SAMD9L: variants seen among roughly 807,000 people sequenced by gnomAD.
SAMD9L encodes sterile alpha motif domain-containing protein 9-like.
A neutral mutation model predicts 90.7 loss-of-function variants in SAMD9L; 68 were observed. That is an observed-to-expected ratio of 0.75 (90% CI 0.62 to 0.92). The LOEUF (loss-of-function observed/expected upper bound fraction) is 0.92. Among genes scored for constraint, SAMD9L ranks in the 40% least tolerant of loss-of-function variants. The probability of loss-of-function intolerance (pLI) is 0.00; values close to 1 mark genes in which losing one functional copy is unlikely to be tolerated. For missense variants in SAMD9L, 1,604 were observed against 1,824.3 expected (o/e 0.88, Z 2.20); for synonymous variants, 640 against 630.1 (o/e 1.02, Z -0.23).
rs1274468659 is a variant in SAMD9L at position 93,135,122 on chromosome 7, T to C, written c.850A>G (p.Ile284Val). 1 of 1,612,696 alleles carries C rather than the reference T, an allele frequency of 6.2e-7. No homozygotes were observed. The highest frequency in any genetic ancestry group is 1.3e-5 in the African/African-American group (1 of 75,058). Residue 284 changes from isoleucine (I) to valine (V), a missense_variant, in exon 5 of 5, where the codon ATT becomes GTT. By Grantham distance (29) the Ile-to-Val change is conservative. Coordinates refer to ENST00000318238, the MANE Select transcript of SAMD9L (RefSeq NM_152703.5). ...ESEINEAKKC[I>V]REPRFVEVLL... ...ACTTCCACAAACCTTGGCTCCCGAA[T>C]ACACTTCTTGGCTTCATTGATCTCA... is the stretch of plus-strand genomic sequence containing the variant.
chr7:93,132,114 T>C lies in SAMD9L; in HGVS notation c.3858A>G (p.Glu1286=). ...TCTTGCTTAACATGATTTCTGCAATTTCTTTTTGGGTATACCTCATTTTCA... is the reference window on the plus strand; with the variant it reads ...TCTTGCTTAACATGATTTCTGCAATCTCTTTTTGGGTATACCTCATTTTCA... ...VLLKMRYTQK[E]IAEIMLSKKV... The change falls in exon 5 of 5, where the codon GAA becomes GAG. Residue 1286 remains glutamate, a synonymous_variant. Coordinates refer to ENST00000318238, the MANE Select transcript of SAMD9L (RefSeq NM_152703.5). 1 of 1,613,448 alleles carries C rather than the reference T, an allele frequency of 6.2e-7. No homozygotes were observed. The highest frequency in any genetic ancestry group is 2.2e-5 in the East Asian group (1 of 44,866).
At position 93,135,529 on chromosome 7, in the gene SAMD9L, G is replaced by C. The variant is rs756645530; in HGVS notation, c.443C>G (p.Ala148Gly). Residue 148 changes from alanine (A) to glycine (G), a missense_variant, in exon 5 of 5, where the codon GCT (alanine) becomes GGT (glycine). Ala to Gly is a moderately conservative substitution (Grantham distance 60). Coordinates refer to ENST00000318238, the MANE Select transcript of SAMD9L (RefSeq NM_152703.5). ...KENVLDEVANAKHKKKGKLKP... is the reference protein window; with the variant it reads ...KENVLDEVANGKHKKKGKLKP... ...TAGCTTACCCTTTTTCTTGTGTTTA[G>C]CATTTGCTACTTCATCTAACACATT... 1.2e-6 allele frequency: 2 copies of C among 1,613,924 alleles called. No homozygotes were observed. The highest frequency in any genetic ancestry group is 1.7e-6 in the Non-Finnish European group (2 of 1,179,882).
intron 4 of SAMD9L, among the ~76,000 whole-genome samples, chr7:93,136,749 A>T (rs1792470112): frequency 6.6e-6 from 1 of 152,128 alleles, no homozygotes; most frequent in South Asian, 2.1e-4. Context: ...CCTATTTTGG[A>T]CTCCTAGAAC....
chr7:93,139,342 C>T (rs1279763627), intron 4 of SAMD9L, among the ~76,000 whole-genome samples: 1 of 152,114 alleles, frequency 6.6e-6, no homozygotes, highest in African/African-American at 2.4e-5. Flanking sequence ...GAAGTCCTAA[C>T]CTCCAGCACC....
At chr7:93,138,017 A>C (rs972529133) in intron 4 of SAMD9L, among the ~76,000 whole-genome samples, 1 of 152,118 alleles carries the variant, frequency 6.6e-6, no homozygotes, top group African/African-American at 2.4e-5. Context: ...AGCAGCTTCC[A>C]CTTGCCTTGG....
intron 4 of SAMD9L, among the ~76,000 whole-genome samples, chr7:93,138,973 T>A (rs1289221498): frequency 6.8e-6 from 1 of 148,108 alleles, no homozygotes; most frequent in Non-Finnish European, 1.5e-5. Context: ...ACATATGAGA[T>A]AACTACCATA....
At chr7:93,146,685 C>A (rs114207031) in intron 2 of SAMD9L, among the ~76,000 whole-genome samples, 198 bp downstream of exon 2, 177 of 152,276 alleles carry the variant, frequency 1.2e-3, no homozygotes, top group African/African-American at 4.0e-3. Flanking sequence ...GAAATTATTT[C>A]GCTTGGCTGG....
chr7:93,146,804 T>C (rs1485214012), intron 2 of SAMD9L, 79 bp downstream of exon 2: 2 of 152,224 alleles, frequency 1.3e-5, no homozygotes, highest in Non-Finnish European at 2.9e-5. Flanking sequence ...AAGTTTTTTT[T>C]TCAAAAGGAA....
At position 93,131,763 on chromosome 7, in the gene SAMD9L, A is replaced by G. The variant is rs1242379142; in HGVS notation, c.4209T>C (p.Leu1403=). 1 of 1,613,724 alleles carries G rather than the reference A, an allele frequency of 6.2e-7. No individual in the cohort carries two copies. Among genetic ancestry groups the G allele is most frequent in the Admixed American group, 1.7e-5 (1 of 59,964 alleles). Residue 1403 remains leucine, a synonymous_variant, in exon 5 of 5, where the codon CTT becomes CTC. Coordinates refer to ENST00000318238, the MANE Select transcript of SAMD9L (RefSeq NM_152703.5). ...LKPNSKLIQP[L]TTLKKQLREV... is the part of the protein sequence containing the mutation. Reference sequence around the variant, plus strand: ...CTCGGAGTTGTTTTTTTAGCGTGGTAAGTGGTTGAATTAACTTGGAGTTGG... The same window carrying G: ...CTCGGAGTTGTTTTTTTAGCGTGGTGAGTGGTTGAATTAACTTGGAGTTGG...
chr7:93,131,710 T>G lies in SAMD9L; in HGVS notation c.4262A>C (p.His1421Pro). 6.2e-7 allele frequency: 1 copy of G among 1,613,976 alleles called. No individual in the cohort carries two copies. The highest frequency in any genetic ancestry group is 8.5e-7 in the Non-Finnish European group (1 of 1,179,866). Residue 1421 changes from histidine to proline, a missense_variant, in exon 5 of 5, where the codon CAT becomes CCT. Physicochemically the swap from His to Pro is moderately conservative, Grantham distance 77. This residue lies in a region of SAMD9L where 282 missense variants were observed against 329.6 expected (regional missense o/e 0.86). Coordinates refer to ENST00000318238, the MANE Select transcript of SAMD9L (RefSeq NM_152703.5). ...REVLQFVGLS[H>P]QYPGPYFLAC... ...CAAGAAATAAGGACCTGGATATTGA[T>G]GACTTAGTCCTACAAATTGCAAGAC...
chr7:93,134,669 A>G lies in SAMD9L; in HGVS notation c.1303T>C (p.Leu435=), dbSNP rs1394386142. Residue 435 remains leucine (L), a synonymous_variant, in exon 5 of 5, where the codon TTA becomes CTA. Transcript: ENST00000318238. ...ACAGCAAACCATTTAATTTCTTTTA[A>G]AAAATCTAAGTGCTTTATTTGGTTT... is the stretch of plus-strand genomic sequence containing the variant. ...HPNQIKHLDF[L]KEIKWFAVLE... 1 of 1,613,922 alleles carries G rather than the reference A, an allele frequency of 6.2e-7. No individual in the cohort carries two copies. The highest frequency in any genetic ancestry group is 1.1e-5 in the South Asian group (1 of 91,072).
Position 93,132,671 on chromosome 7 carries a change from T to C in SAMD9L, c.3301A>G (p.Thr1101Ala). The C allele has an allele frequency of 6.2e-7, 1 of 1,613,896 alleles. No individual in the cohort carries two copies. The highest frequency in any genetic ancestry group is 8.5e-7 in the Non-Finnish European group (1 of 1,179,824). ...GCCTGACGTGCCCAGTCCAGAGCTGTGTTAAAGTCCTTCTCTTTAATGTAG... is the reference window on the plus strand; with the variant it reads ...GCCTGACGTGCCCAGTCCAGAGCTGCGTTAAAGTCCTTCTCTTTAATGTAG... ...HFYIKEKDFN[T>A]ALDWARQAKM... Residue 1101 changes from threonine to alanine, a missense_variant, in exon 5 of 5, where the codon ACA (threonine) becomes GCA (alanine). By Grantham distance (58) the Thr-to-Ala change is moderately conservative. This residue lies in a region of SAMD9L where 302 missense variants were observed against 314.7 expected (regional missense o/e 0.96). Coordinates refer to ENST00000318238, the MANE Select transcript of SAMD9L (RefSeq NM_152703.5).
chr7:93,135,417 A>G lies in SAMD9L; in HGVS notation c.555T>C (p.Pro185=). The G allele has an allele frequency of 6.2e-7, 1 of 1,614,102 alleles. No homozygotes were observed. Among genetic ancestry groups the G allele is most frequent in the Non-Finnish European group, 8.5e-7 (1 of 1,179,968 alleles). ...CAATGAGATTGAGTGCTCCTGTTTCAGGTTGTAGAGTATAATGTTCTATGT... is the reference window on the plus strand; with the variant it reads ...CAATGAGATTGAGTGCTCCTGTTTCGGGTTGTAGAGTATAATGTTCTATGT... ...HRYIEHYTLQ[P]ETGALNLIDP... is the part of the protein sequence containing the mutation. Residue 185 remains proline (P), a synonymous_variant, in exon 5 of 5, where the codon CCT becomes CCC. Coordinates refer to ENST00000318238, the MANE Select transcript of SAMD9L (RefSeq NM_152703.5).
Position 93,145,871 on chromosome 7 carries a change from T to TG in SAMD9L, c.-610dup, listed in dbSNP as rs1178038358. The TG allele has an allele frequency of 6.6e-6, 1 of 152,190 alleles. No homozygotes were observed. Among genetic ancestry groups the TG allele is most frequent in the African/African-American group, 2.4e-5 (1 of 41,442 alleles). The allele number at this position is 152,190 out of a possible 1,614,324, so 9.4% of individuals were successfully genotyped here. Reference sequence around the variant, plus strand: ...CACATTCAATGTGGAGCAAATCCTATGGGGTGTATCTTCAAAATATACCCA... The same window carrying TG: ...CACATTCAATGTGGAGCAAATCCTATGGGGGTGTATCTTCAAAATATACCCA... On this transcript the variant is annotated 5_prime_UTR_variant, in exon 3 of 5. Coordinates refer to ENST00000318238, the MANE Select transcript of SAMD9L (RefSeq NM_152703.5).
In SAMD9L at chr7:93,135,373, T is replaced by A; in HGVS notation, c.599A>T (p.Lys200Ile). ...LNLIDPIHEF[K>I]ALTNTETATE... ...GGCTGTTTCTGTGTTTGTGAGAGCT[T>A]TGAACTCATGTATTGGATCAATGAG... The change falls in exon 5 of 5, where the codon AAA becomes ATA. Residue 200 changes from lysine to isoleucine, a missense_variant. By Grantham distance (102) the Lys-to-Ile change is moderately radical (BLOSUM62 -3). This residue lies in a region of SAMD9L where 374 missense variants were observed against 363.6 expected (regional missense o/e 1.03). Transcript: ENST00000318238. 1 of 1,614,182 alleles carries A rather than the reference T, an allele frequency of 6.2e-7. No homozygotes were observed.
intron 4 of SAMD9L, among the ~76,000 whole-genome samples, chr7:93,141,414 T>G (rs759558915): frequency 1.3e-5 from 2 of 152,228 alleles, no homozygotes; most frequent in African/African-American, 2.4e-5. Flanking sequence ...TATATCTGCC[T>G]TCTCTATGTT....
chr7:93,135,766 T>C lies in SAMD9L; in HGVS notation c.206A>G (p.Lys69Arg). ...GLPWGPALLI[K>R]RSYNKLNSKS... ...ACTATTCAATTTGTTGTATGAACGT[T>C]TTATCAAAAGTGCTGGACCCCATGG... Residue 69 changes from lysine to arginine, a missense_variant, in exon 5 of 5, where the codon AAA becomes AGA. By Grantham distance (26) the Lys-to-Arg change is conservative. This residue lies in a region of SAMD9L where 374 missense variants were observed against 363.6 expected (regional missense o/e 1.03). Coordinates refer to ENST00000318238, the MANE Select transcript of SAMD9L (RefSeq NM_152703.5). 1 of 1,613,968 alleles carries C rather than the reference T, an allele frequency of 6.2e-7. No individual in the cohort carries two copies. The highest frequency in any genetic ancestry group is 8.5e-7 in the Non-Finnish European group (1 of 1,179,942).
chr7:93,131,873 G>A lies in SAMD9L; in HGVS notation c.4099C>T (p.Leu1367=). The A allele has an allele frequency of 3.1e-6, 5 of 1,611,920 alleles. No homozygotes were observed. Among genetic ancestry groups the A allele is most frequent in the Admixed American group, 1.7e-5 (1 of 59,984 alleles). Reference sequence around the variant, plus strand: ...GGCTTTTTTGAGTTTTGCTGCAGTAGGAAGGCATATTCATTCACTATACTT... The same window carrying A: ...GGCTTTTTTGAGTTTTGCTGCAGTAAGAAGGCATATTCATTCACTATACTT... ...MESIVNEYAF[L]LQQNSKKPMT... The change falls in exon 5 of 5, where the codon CTA becomes TTA. Residue 1367 remains leucine, a synonymous_variant. Coordinates refer to ENST00000318238, the MANE Select transcript of SAMD9L (RefSeq NM_152703.5).
In SAMD9L at chr7:93,133,329, C is replaced by A; in HGVS notation, c.2643G>T (p.Lys881Asn). ...AKLKEIEKQH[K>N]NCENFYSFMI... is the part of the protein sequence containing the mutation. ...TGAAGGAATAAAAGTTTTCACAGTT[C>A]TTGTGCTGCTTTTCAATTTCCTTCA... The change falls in exon 5 of 5, where the codon AAG becomes AAT. Residue 881 changes from lysine (K) to asparagine (N), a missense_variant. Lys to Asn is a moderately conservative substitution (Grantham distance 94, BLOSUM62 0). Coordinates refer to ENST00000318238, the MANE Select transcript of SAMD9L (RefSeq NM_152703.5). 6.2e-7 allele frequency: 1 copy of A among 1,612,848 alleles called. No individual in the cohort carries two copies. Among genetic ancestry groups the A allele is most frequent in the South Asian group, 1.1e-5 (1 of 90,886 alleles).
Sources: gnomAD v4.1 joint callset for allele counts (sites outside exome capture counted in the v4.1 genomes callset) on GRCh38, gnomAD v4.1.1 for gene constraint, gnomAD v4.1.1 regional missense constraint, MANE v1.5 for transcripts, NCBI Gene and HGNC (gene_info 2026-07-23, HGNC 2026-07-21) for gene names.